The following ZMYND8 variants were observed in gnomAD, a reference collection of about 807,000 sequenced individuals.
ZMYND8 encodes MYND-type zinc finger-containing chromatin reader ZMYND8.
In ZMYND8, 37 loss-of-function variants were observed where a neutral mutation model predicts 140.8. The observed-to-expected ratio is 0.26, with a 90% confidence interval of 0.20 to 0.35. The LOEUF is 0.35. ZMYND8 is among the 10% of genes least tolerant of loss of function. The pLI is 1.00. For synonymous variants in ZMYND8, 592 were observed against 597.1 expected (o/e 0.99, Z 0.12); for missense variants, 1,068 against 1,570.0 (o/e 0.68, Z 5.40).
intron 12 of ZMYND8, among the ~76,000 whole-genome samples, chr20:47,251,460 G>A (rs531708737): frequency 5.9e-5 from 9 of 151,852 alleles, no homozygotes; most frequent in South Asian, 2.1e-4. Context: ...GGTGGTGCAC[G>A]CCTGTAAACC....
chr20:47,254,576 A>C (rs1422564364), intron 12 of ZMYND8, among the ~76,000 whole-genome samples: 3 of 152,248 alleles, frequency 2.0e-5, no homozygotes, highest in Non-Finnish European at 2.9e-5. Flanking sequence ...AACCTGTTTC[A>C]TGAAAAAGCA....
Position 47,276,560 on chromosome 20 carries a change from C to CT in ZMYND8, c.1233dup (p.Asp412ArgfsTer11). On this transcript the variant is annotated frameshift_variant, in exon 11 of 23. Coordinates refer to ENST00000471951, the MANE Select transcript of ZMYND8 (RefSeq NM_001281775.3). LOFTEE classifies it high-confidence loss of function. ...TTGAGCTTGACCTTCTCCTGCTTGT[C>CT]TATCTTGGCAGTGCCGGCGCTGGGG... 1 of 1,614,006 alleles carries CT rather than the reference C, an allele frequency of 6.2e-7. No homozygotes were observed. Among genetic ancestry groups the CT allele is most frequent in the Non-Finnish European group, 8.5e-7 (1 of 1,180,034 alleles).
rs41283350 is a variant in ZMYND8 at position 47,210,934 on chromosome 20, C to G, written c.3569-37G>C. On this transcript the variant is annotated intron_variant, in intron 22 of 22. Transcript: ENST00000471951. ...AACCAATGTGTTTAGCGTGCCTGCC[C>G]ACCTGCGCCTGAGCACAACTATCCT... The G allele has an allele frequency of 8.7e-3, 13,995 of 1,601,936 alleles. 81 individuals are homozygous for G. The highest frequency in any genetic ancestry group is 1.0e-2 in the Non-Finnish European group (11,651 of 1,170,622).
Position 47,246,057 on chromosome 20 carries a change from C to T in ZMYND8, c.2235G>A (p.Glu745=), listed in dbSNP as rs1352867351. The T allele has an allele frequency of 1.2e-6, 2 of 1,612,298 alleles. No homozygotes were observed. Among genetic ancestry groups the T allele is most frequent in the African/African-American group, 1.3e-5 (1 of 74,892 alleles). The change falls in exon 14 of 23, where the codon GAG becomes GAA. Residue 745 remains glutamate (E), a synonymous_variant. Transcript: ENST00000471951. ...IDLGEDHSGR[E]GRKNKKEPKE... Reference sequence around the variant, plus strand: ...TGGGTTCCTTCTTATTTTTTCGACCCTCCCGCCCAGAATGGTCTTCTCCTA... The same window carrying T: ...TGGGTTCCTTCTTATTTTTTCGACCTTCCCGCCCAGAATGGTCTTCTCCTA...
At chr20:47,337,519 A>C (rs2148503815) in intron 2 of ZMYND8, among the ~76,000 whole-genome samples, 1 of 152,216 alleles carries the variant, frequency 6.6e-6, no homozygotes, top group African/African-American at 2.4e-5. Context: ...TAAATAAATA[A>C]AGATAAAACC....
Position 47,347,839 on chromosome 20 carries a change from A to G in ZMYND8, c.85+17T>C. On this transcript the variant is annotated intron_variant, in intron 2 of 22. Transcript: ENST00000471951. ...CCTCCTTAGCTCTAGAATAGATAAT[A>G]CAAGATTTTTACTCACCTTTGGAGC... The G allele has an allele frequency of 6.2e-7, 1 of 1,612,810 alleles. No individual in the cohort carries two copies. The highest frequency in any genetic ancestry group is 8.5e-7 in the Non-Finnish European group (1 of 1,179,334).
Position 47,249,268 on chromosome 20 carries a change from A to C in ZMYND8, c.1774+19T>G. On this transcript the variant is annotated intron_variant, in intron 13 of 22. Transcript: ENST00000471951. ...AACAATGATACTGCTGGAAAAAAAAAACAAAACCAAAGGTATACCTAATTG... is the reference window on the plus strand; with the variant it reads ...AACAATGATACTGCTGGAAAAAAAACACAAAACCAAAGGTATACCTAATTG... 1 of 1,603,458 alleles carries C rather than the reference A, an allele frequency of 6.2e-7. No homozygotes were observed. Among genetic ancestry groups the C allele is most frequent in the Non-Finnish European group, 8.5e-7 (1 of 1,175,790 alleles).
At chr20:47,318,988 C>A (rs2079665303) in intron 2 of ZMYND8, 2 of 1,351,382 alleles carry the variant, frequency 1.5e-6, no homozygotes, top group African/African-American at 3.0e-5. Flanking sequence ...GAGGGCCTAG[C>A]CTCTCTTGTT....
At chr20:47,211,946 C>A (rs1484176138) in intron 22 of ZMYND8, among the ~76,000 whole-genome samples, 1 of 152,142 alleles carries the variant, frequency 6.6e-6, no homozygotes, top group Non-Finnish European at 1.5e-5. Flanking sequence ...TGTAGTTACT[C>A]AGGAGAGAAC....
intron 14 of ZMYND8, among the ~76,000 whole-genome samples, chr20:47,239,856 A>G (rs1165043205): frequency 6.6e-6 from 1 of 152,176 alleles, no homozygotes; most frequent in African/African-American, 2.4e-5. Context: ...TTTTATGTAT[A>G]CTGTGTGCTA....
At chr20:47,228,994 A>AT (rs3092476) in intron 17 of ZMYND8, among the ~76,000 whole-genome samples, 399 of 146,864 alleles carry the variant, frequency 2.7e-3, no homozygotes, top group South Asian at 0.013. Context: ...AGATAGCTTA[A>AT]TTTTTTTTTT....
intron 13 of ZMYND8, among the ~76,000 whole-genome samples, chr20:47,248,592 C>T (rs1406992898): frequency 2.6e-5 from 4 of 152,264 alleles, no homozygotes; most frequent in African/African-American, 9.6e-5. Context: ...ACCATGTGCA[C>T]AGACCAAGTA....
In ZMYND8 at chr20:47,236,387, T is replaced by C; in HGVS notation, c.2795A>G (p.Asp932Gly). The change falls in exon 16 of 23, where the codon GAC (aspartate) becomes GGC (glycine). Residue 932 changes from aspartate to glycine, a missense_variant. By Grantham distance (94) the Asp-to-Gly change is moderately conservative (BLOSUM62 -1). Transcript: ENST00000471951. Reference sequence around the variant, plus strand: ...AGCTGAGGCAGTGGCGATGGGCAGGTCAGCGTTGACTGAGGACACAAGGGT... The same window carrying C: ...AGCTGAGGCAGTGGCGATGGGCAGGCCAGCGTTGACTGAGGACACAAGGGT... ...MSTLVSSVNA[D>G]LPIATASADV... 2.5e-6 allele frequency: 4 copies of C among 1,614,156 alleles called. No homozygotes were observed. Among genetic ancestry groups the C allele is most frequent in the Non-Finnish European group, 3.4e-6 (4 of 1,180,012 alleles).
chr20:47,284,277 C>A (rs143504908), intron 8 of ZMYND8, among the ~76,000 whole-genome samples: 159 of 152,170 alleles, frequency 1.0e-3, no homozygotes, highest in African/African-American at 3.4e-3. Context: ...TGCTTAAAAG[C>A]CCCCAGTGAC....
chr20:47,313,478 C>T (rs913375593), intron 2 of ZMYND8, among the ~76,000 whole-genome samples: 5 of 151,690 alleles, frequency 3.3e-5, no homozygotes. Context: ...AAAAATTAGC[C>T]GGGCGTGGTG....
chr20:47,213,154 C>T (rs568663759), intron 21 of ZMYND8, among the ~76,000 whole-genome samples: 4 of 151,954 alleles, frequency 2.6e-5, no homozygotes, highest in Non-Finnish European at 5.9e-5. Context: ...ACAGTGATAA[C>T]AGAATAGGGA....
At chr20:47,263,509 C>T (rs113520125) in intron 11 of ZMYND8, among the ~76,000 whole-genome samples, 4 of 152,326 alleles carry the variant, frequency 2.6e-5, no homozygotes, top group African/African-American at 9.6e-5. Context: ...ACATACCACT[C>T]GGCTGGTGAA....
At position 47,282,703 on chromosome 20, in the gene ZMYND8, G is replaced by A. The variant is rs140101843; in HGVS notation, c.883-486C>T. Among the ~76,000 whole-genome samples the A allele has an allele frequency of 4.0e-3, 580 of 145,404 alleles. 2 individuals are homozygous for A. Among genetic ancestry groups the A allele is most frequent in the Non-Finnish European group, 5.7e-3 (381 of 67,168 alleles). ...CACGCCACTGCACTCCAGCCAGGGC[G>A]ACAGATCGAAACTCCATCTCAAAAA... On this transcript the variant is annotated intron_variant, in intron 9 of 22. Transcript: ENST00000471951.
chr20:47,214,693 C>A (rs1258711197), intron 21 of ZMYND8, among the ~76,000 whole-genome samples: 1 of 152,112 alleles, frequency 6.6e-6, no homozygotes, highest in Non-Finnish European at 1.5e-5. Context: ...CGGGGTTTCA[C>A]CATGTTGGTC....
Sources: gnomAD v4.1 joint callset for allele counts (sites outside exome capture counted in the v4.1 genomes callset) on GRCh38, gnomAD v4.1.1 for gene constraint, MANE v1.5 for transcripts, NCBI Gene and HGNC (gene_info 2026-07-23, HGNC 2026-07-21) for gene names.